Variants in GRIK4 observed in about 807,000 individuals in gnomAD.
GRIK4 encodes the protein glutamate receptor ionotropic, kainate 4.
GRIK4 carries 40 observed loss-of-function variants against 104.9 expected under a neutral mutation model. That is an observed-to-expected ratio of 0.38 (90% CI 0.30 to 0.50). GRIK4 has a LOEUF of 0.50. GRIK4 is among the 20% of genes least tolerant of loss of function. The pLI, the probability that GRIK4 is intolerant of heterozygous loss-of-function variation, is 0.93. For synonymous variants in GRIK4, 485 were observed against 524.9 expected (o/e 0.92, Z 1.04); for missense variants, 1,047 against 1,308.1 (o/e 0.80, Z 3.08).
chr11:120,952,994 C>A lies in GRIK4; in HGVS notation c.1700+30C>A. On this transcript the variant is annotated intron_variant, in intron 15 of 20. Coordinates refer to ENST00000527524, the MANE Select transcript of GRIK4 (RefSeq NM_014619.5). The surrounding 1 kb of genome is among the most constrained non-coding windows in gnomAD (Gnocchi z 5.2). ...TCTCCTCTTCCCTTCCCTGTCCTTA[C>A]ACCGCCACCTCGTGTCCACCTCTGG... 7.1e-7 allele frequency: 1 copy of A among 1,403,020 alleles called. No homozygotes were observed. The highest frequency in any genetic ancestry group is 1.0e-6 in the Non-Finnish European group (1 of 988,910). 86.9% of individuals were successfully genotyped at this position (1,403,020 alleles called of 1,614,324 possible).
intron 1 of GRIK4, among the ~76,000 whole-genome samples, chr11:120,601,860 G>A (rs4414229): frequency 0.65 from 98,732 of 151,754 alleles, 32,949 homozygotes; most frequent in Non-Finnish European, 0.7. Flanking sequence ...GAGGAAGAGA[G>A]CAGCATGAAG....
At chr11:120,899,510 C>T (rs1942675549) in intron 12 of GRIK4, among the ~76,000 whole-genome samples, 1 of 151,994 alleles carries the variant, frequency 6.6e-6, no homozygotes. Context: ...CAAGTTCACC[C>T]TCCCTTCCCT....
At chr11:120,519,663 C>A (rs1947772411) in intron 1 of GRIK4, among the ~76,000 whole-genome samples, 1 of 152,134 alleles carries the variant, frequency 6.6e-6, no homozygotes, top group African/African-American at 2.4e-5. Flanking sequence ...AGCTGAGATT[C>A]AGAGTAGATG....
chr11:120,920,579 G>T (rs1297263634), intron 13 of GRIK4, among the ~76,000 whole-genome samples: 2 of 151,978 alleles, frequency 1.3e-5, no homozygotes, highest in Non-Finnish European at 2.9e-5. Flanking sequence ...AGCCTTCCAA[G>T]GTTATATGCG....
intron 1 of GRIK4, among the ~76,000 whole-genome samples, chr11:120,600,349 TAAAAAA>T (rs901232369): frequency 6.6e-6 from 1 of 150,990 alleles, no homozygotes; most frequent in Non-Finnish European, 1.5e-5. Context: ...CCCTCTGTCT[TAAAAAA>T]AAAGAAAACT....
chr11:120,580,339 G>A (rs1190376088), intron 1 of GRIK4, among the ~76,000 whole-genome samples: 1 of 149,582 alleles, frequency 6.7e-6, no homozygotes, highest in Non-Finnish European at 1.5e-5. Context: ...GCAGTGGCGC[G>A]ATCTTGGCTC....
chr11:120,739,277 T>A (rs1226855632), intron 3 of GRIK4, among the ~76,000 whole-genome samples: 3 of 152,234 alleles, frequency 2.0e-5, no homozygotes, highest in Non-Finnish European at 4.4e-5. Flanking sequence ...AGAAATGGGT[T>A]CCTATGCTTA....
At chr11:120,892,202 T>C (rs747401364) in intron 11 of GRIK4, among the ~76,000 whole-genome samples, 4 of 151,974 alleles carry the variant, frequency 2.6e-5, no homozygotes, top group Non-Finnish European at 4.4e-5. Context: ...GGAAGGTAGG[T>C]GTGGCTGCAG....
At chr11:120,849,239 C>T (rs901757540) in intron 8 of GRIK4, among the ~76,000 whole-genome samples, 2 of 152,072 alleles carry the variant, frequency 1.3e-5, no homozygotes, top group African/African-American at 4.8e-5. Flanking sequence ...ATATAAAATA[C>T]ATCAAACTGA....
chr11:120,988,767 A>G lies in GRIK4; in HGVS notation c.*2507A>G, dbSNP rs1944798660. ...TTTCTTGTCTGTTTATCTTTCTTCA[A>G]CTGGAATATTTACAATAAAACAGAA... On this transcript the variant is annotated 3_prime_UTR_variant, in exon 21 of 21. Transcript: ENST00000527524. 6.6e-6 allele frequency: 1 copy of G among 152,204 alleles called. No individual in the cohort carries two copies. Among genetic ancestry groups the G allele is most frequent in the African/African-American group, 2.4e-5 (1 of 41,448 alleles). The allele number at this position is 152,204 out of a possible 1,614,324, so 9.4% of individuals were successfully genotyped here.
At chr11:120,734,272 A>G (rs1565321519) in intron 3 of GRIK4, among the ~76,000 whole-genome samples, 2 of 152,012 alleles carry the variant, frequency 1.3e-5, no homozygotes, top group Non-Finnish European at 2.9e-5. Flanking sequence ...GAAAGTTTTT[A>G]TTTCTCCTTT....
intron 1 of GRIK4, among the ~76,000 whole-genome samples, chr11:120,587,089 G>A (rs1489255841): frequency 3.3e-5 from 5 of 152,142 alleles, no homozygotes; most frequent in Non-Finnish European, 4.4e-5. Flanking sequence ...TGAAAATATA[G>A]AGGTGTCTCT....
chr11:120,720,420 C>G (rs1489482116), intron 3 of GRIK4, among the ~76,000 whole-genome samples: 3 of 152,204 alleles, frequency 2.0e-5, no homozygotes, highest in Admixed American at 2.0e-4. Context: ...AAGGCTGACT[C>G]CCTTGCAGTC....
intron 3 of GRIK4, among the ~76,000 whole-genome samples, chr11:120,698,889 TC>T (rs1203829211): frequency 6.6e-6 from 1 of 152,250 alleles, no homozygotes; most frequent in Non-Finnish European, 1.5e-5. Flanking sequence ...ATTAGATTAA[TC>T]AGGAGAAGTG....
At chr11:120,914,188 T>TA (rs75021531) in intron 13 of GRIK4, among the ~76,000 whole-genome samples, 95,397 of 152,192 alleles carry the variant, frequency 0.63, 30,617 homozygotes, top group East Asian at 0.84. Context: ...GAATTGCCTG[T>TA]AAGGAGTTCA....
At chr11:120,678,984 T>C (rs1950149232) in intron 3 of GRIK4, among the ~76,000 whole-genome samples, 1 of 151,724 alleles carries the variant, frequency 6.6e-6, no homozygotes, top group African/African-American at 2.4e-5. Context: ...AAAGAGCCAA[T>C]CCTTAAAATA....
chr11:120,695,827 G>A lies in GRIK4; in HGVS notation c.82+35427G>A, dbSNP rs530593222. On this transcript the variant is annotated intron_variant, in intron 3 of 20. Coordinates refer to ENST00000527524, the MANE Select transcript of GRIK4 (RefSeq NM_014619.5). ...GGAGCCGCCATGCAGATAACTGAGG[G>A]CAGCCAAGGACCCAACTGAGTGCAG... is the stretch of plus-strand genomic sequence containing the variant. Among the ~76,000 whole-genome samples, 10 of 152,310 alleles carry A rather than the reference G, an allele frequency of 6.6e-5. No individual in the cohort carries two copies. The East Asian group carries it at 1.4e-3, about 21-fold the overall frequency.
intron 11 of GRIK4, among the ~76,000 whole-genome samples, chr11:120,880,826 T>C (rs1264941639): frequency 1.3e-5 from 2 of 152,228 alleles, no homozygotes. Context: ...TTTTAAAAGT[T>C]TGATTTTACT....
intron 1 of GRIK4, among the ~76,000 whole-genome samples, chr11:120,522,078 C>T (rs1381249131): frequency 1.3e-5 from 2 of 152,238 alleles, no homozygotes; most frequent in East Asian, 3.9e-4. Flanking sequence ...ATGTAGCTTG[C>T]CCAAGATGAC....
Sources: gnomAD v4.1 joint callset for allele counts (sites outside exome capture counted in the v4.1 genomes callset) on GRCh38, gnomAD v4.1.1 for gene constraint, Gnocchi (gnomAD v3.1) non-coding constraint, MANE v1.5 for transcripts, NCBI Gene and HGNC (gene_info 2026-07-23, HGNC 2026-07-21) for gene names.